Variants in ARHGAP22 observed in about 807,000 individuals in gnomAD.
The protein encoded by ARHGAP22 is Rho GTPase activating protein 22.
ARHGAP22 carries 48 observed loss-of-function variants against 59.1 expected under a neutral mutation model. The ratio of observed to expected loss-of-function variants is 0.81; its 90% CI spans 0.64 to 1.03. The LOEUF is 1.03. ARHGAP22 is among the 50% of genes least tolerant of loss of function. The pLI is 0.00. For missense variants in ARHGAP22, 1,015 were observed against 958.7 expected (o/e 1.06, Z -0.78); for synonymous variants, 445 against 416.4 (o/e 1.07, Z -0.84).
Position 48,459,807 on chromosome 10 carries a change from C to T in ARHGAP22, c.536G>A (p.Cys179Tyr). Residue 179 changes from cysteine to tyrosine, a missense_variant, in exon 5 of 10, where the codon TGT becomes TAT. Coordinates refer to ENST00000249601, the MANE Select transcript of ARHGAP22 (RefSeq NM_021226.4). ...CCCGCGCTCCCGGATGAAGTCCACA[C>T]ACTGCTCCACCAGCAGGGGCGCCAG... ...PRLAPLLVEQ[C>Y]VDFIRERGLT... 1 of 1,613,810 alleles carries T rather than the reference C, an allele frequency of 6.2e-7. No homozygotes were observed. The highest frequency in any genetic ancestry group is 8.5e-7 in the Non-Finnish European group (1 of 1,180,044).
upstream of ARHGAP22, among the ~76,000 whole-genome samples, chr10:48,655,271 G>T (rs573710224): frequency 8.2e-3 from 1,102 of 134,494 alleles, 36 homozygotes; most frequent in African/African-American, 0.03. Flanking sequence ...GGGGGGGGGG[G>T]CGGGGGACGC....
At chr10:48,581,822 T>C (rs1361444010) in intron 2 of ARHGAP22, among the ~76,000 whole-genome samples, 3 of 152,186 alleles carry the variant, frequency 2.0e-5, no homozygotes, top group Non-Finnish European at 2.9e-5. Context: ...GAACTTTCCA[T>C]AGAGGTAGCT....
chr10:48,599,502 G>C (rs1254851970), intron 1 of ARHGAP22, among the ~76,000 whole-genome samples: 2 of 152,342 alleles, frequency 1.3e-5, no homozygotes, highest in East Asian at 3.9e-4. Context: ...GAAGCTACCC[G>C]AGCCTGCAGT....
chr10:48,512,952 C>T (rs913643546), intron 3 of ARHGAP22, among the ~76,000 whole-genome samples: 1 of 152,186 alleles, frequency 6.6e-6, no homozygotes, highest in African/African-American at 2.4e-5. Context: ...CTCAAAGATT[C>T]TCATTCCTAG....
chr10:48,602,326 C>T (rs1388517759), intron 1 of ARHGAP22, among the ~76,000 whole-genome samples: 2 of 152,160 alleles, frequency 1.3e-5, no homozygotes. Flanking sequence ...TAACTTGGCC[C>T]ATCAGTCTGA....
chr10:48,643,286 A>G (rs988308271), intron 1 of ARHGAP22, among the ~76,000 whole-genome samples: 1 of 152,188 alleles, frequency 6.6e-6, no homozygotes, highest in Non-Finnish European at 1.5e-5. Context: ...AGACACATGC[A>G]CACGCCGCAA....
At chr10:48,577,832 A>C (rs1172343708) in intron 2 of ARHGAP22, among the ~76,000 whole-genome samples, 2 of 42,864 alleles carry the variant, frequency 4.7e-5, no homozygotes, top group African/African-American at 8.5e-5. Flanking sequence ...TTTTTTTTGG[A>C]GACAGAGTCT....
At chr10:48,496,517 A>G (rs1439459933) in intron 3 of ARHGAP22, among the ~76,000 whole-genome samples, 1 of 152,152 alleles carries the variant, frequency 6.6e-6, no homozygotes, top group Non-Finnish European at 1.5e-5. Context: ...CATAGGTAAG[A>G]ACTGGAAGAG....
At chr10:48,639,177 G>A (rs1022951095) in intron 1 of ARHGAP22, among the ~76,000 whole-genome samples, 12 of 152,324 alleles carry the variant, frequency 7.9e-5, no homozygotes, top group East Asian at 1.9e-4. Context: ...GCAATTTTGC[G>A]CATGCAGTCC....
chr10:48,462,680 T>C (rs2047262286), intron 4 of ARHGAP22, among the ~76,000 whole-genome samples: 2 of 152,186 alleles, frequency 1.3e-5, no homozygotes, highest in African/African-American at 4.8e-5. Context: ...GTTGCAATAC[T>C]AACACGAAGG....
chr10:48,455,166 C>A (rs771542570), intron 5 of ARHGAP22, 32 bp from the exon 6 acceptor site: 1 of 1,575,904 alleles, frequency 6.3e-7, no homozygotes, highest in African/African-American at 1.3e-5. Flanking sequence ...GTGTGTGAGG[C>A]CTGGGATGCC....
chr10:48,506,035 C>A lies in ARHGAP22; in HGVS notation c.323-26271G>T, dbSNP rs141116604. ...TGATTTGGCCACCACGTATCTCTCACCGACGCTCCTTCCCTCTTCACGAGG... is the reference window on the plus strand; with the variant it reads ...TGATTTGGCCACCACGTATCTCTCAACGACGCTCCTTCCCTCTTCACGAGG... On this transcript the variant is annotated intron_variant, in intron 3 of 9. Coordinates refer to ENST00000249601, the MANE Select transcript of ARHGAP22 (RefSeq NM_021226.4). 3.4e-3 allele frequency among the ~76,000 whole-genome samples: 513 copies of A among 152,240 alleles called. 1 individual carries two copies. The highest frequency in any genetic ancestry group is 0.011 in the African/African-American group (460 of 41,494).
intron 3 of ARHGAP22, among the ~76,000 whole-genome samples, chr10:48,490,971 C>T (rs1441767644): frequency 6.6e-6 from 1 of 152,226 alleles, no homozygotes; most frequent in Non-Finnish European, 1.5e-5. Flanking sequence ...AACATAGCTG[C>T]AATCTGGTCA....
chr10:48,453,950 C>T (rs937349833), intron 7 of ARHGAP22, 138 bp downstream of exon 7: 25 of 879,198 alleles, frequency 2.8e-5, no homozygotes, highest in Middle Eastern at 3.4e-4. Context: ...GCTTCGTCCA[C>T]GCTGGGTTGA....
chr10:48,578,207 A>C (rs1293199151), intron 2 of ARHGAP22, among the ~76,000 whole-genome samples: 1 of 151,916 alleles, frequency 6.6e-6, no homozygotes, highest in Non-Finnish European at 1.5e-5. Flanking sequence ...CCAAGCCCCA[A>C]GTCTTTGAGG....
chr10:48,476,063 C>T (rs1370653608), intron 4 of ARHGAP22, among the ~76,000 whole-genome samples: 1 of 152,198 alleles, frequency 6.6e-6, no homozygotes, highest in Admixed American at 6.5e-5. Context: ...CCCCACTGTG[C>T]CCACCATCTA....
At chr10:48,654,868 CTTCT>C (rs796813176), upstream of ARHGAP22, among the ~76,000 whole-genome samples, 50 of 122,054 alleles carry the variant, frequency 4.1e-4, no homozygotes, top group East Asian at 7.1e-4. Context: ...TCTTTCTTTC[CTTCT>C]TTCTTTCTTT....
intron 4 of ARHGAP22, among the ~76,000 whole-genome samples, chr10:48,477,585 T>C (rs745550933): frequency 6.6e-6 from 1 of 152,228 alleles, no homozygotes; most frequent in Non-Finnish European, 1.5e-5. Flanking sequence ...ACACTGCTGA[T>C]TTCCCTAGCA....
At chr10:48,647,163 AG>A (rs1301887640) in intron 1 of ARHGAP22, among the ~76,000 whole-genome samples, 3 of 152,166 alleles carry the variant, frequency 2.0e-5, no homozygotes, top group Non-Finnish European at 4.4e-5. Flanking sequence ...GCAGGCTGAG[AG>A]GGGTGGATCA....
Sources: allele counts gnomAD v4.1 joint callset (sites outside exome capture counted in the v4.1 genomes callset), GRCh38; gene constraint gnomAD v4.1.1; transcripts MANE v1.5; gene names NCBI Gene and HGNC (gene_info 2026-07-23, HGNC 2026-07-21).